The following ITPRID1 variants were observed in gnomAD, a reference collection of about 807,000 sequenced individuals.
ITPRID1 encodes the protein protein ITPRID1.
In ITPRID1, 96 loss-of-function variants were observed where a neutral mutation model predicts 95.4. That is an observed-to-expected ratio of 1.01 (90% CI 0.85 to 1.19). ITPRID1 has a LOEUF of 1.19. Ranked by LOEUF, ITPRID1 falls within the 50% of genes most tolerant of loss-of-function variation. The probability of loss-of-function intolerance (pLI) is 0.00; values close to 1 mark genes in which losing one functional copy is unlikely to be tolerated. For missense variants in ITPRID1, 1,339 were observed against 1,252.9 expected, an observed-to-expected ratio of 1.07 and a Z score of -1.04; for synonymous variants, 510 against 453.6, an observed-to-expected ratio of 1.12 and a Z score of -1.58.
chr7:31,574,153 T>C (rs1785091087), intron 7 of ITPRID1, among the ~76,000 whole-genome samples: 2 of 143,946 alleles, frequency 1.4e-5, no homozygotes, highest in South Asian at 4.7e-4. Context: ...AGTCTACTGT[T>C]TACAGTTTTG....
chr7:31,567,498 T>G (rs1254153574), intron 5 of ITPRID1, among the ~76,000 whole-genome samples: 1 of 152,086 alleles, frequency 6.6e-6, no homozygotes, highest in Non-Finnish European at 1.5e-5. Context: ...GGAGTAGCAT[T>G]GGGAGTGATA....
chr7:31,651,140 A>G lies in ITPRID1; in HGVS notation c.2584-2A>G, dbSNP rs1043142855. ...TTCTCAGTTCTTTCTCATTGTTCTC[A>G]GTGCACAGTCCATGAGATGGAAGCC... On this transcript the variant is annotated splice_acceptor_variant, in intron 12 of 14. Coordinates refer to ENST00000615280, the MANE Select transcript of ITPRID1 (RefSeq NM_001257967.3). LOFTEE classifies it high-confidence loss of function. The G allele has an allele frequency of 8.1e-6, 13 of 1,611,888 alleles. No homozygotes were observed. The highest frequency in any genetic ancestry group is 1.1e-5 in the Non-Finnish European group (13 of 1,178,824).
chr7:31,548,398 A>G (rs771057802), intron 1 of ITPRID1, among the ~76,000 whole-genome samples: 16 of 152,186 alleles, frequency 1.1e-4, no homozygotes, highest in Non-Finnish European at 2.1e-4. Flanking sequence ...AAGCAGCAAC[A>G]AAGATCATAG....
At chr7:31,561,360 C>G (rs1784617490) in intron 5 of ITPRID1, among the ~76,000 whole-genome samples, 1 of 152,122 alleles carries the variant, frequency 6.6e-6, no homozygotes, top group Non-Finnish European at 1.5e-5. Flanking sequence ...GCATATGGTG[C>G]CTTCCCCCAG....
At chr7:31,599,215 A>T (rs1027120264) in intron 10 of ITPRID1, among the ~76,000 whole-genome samples, 1 of 152,260 alleles carries the variant, frequency 6.6e-6, no homozygotes, top group Non-Finnish European at 1.5e-5. Flanking sequence ...ACTCATAAAT[A>T]GAATAATATA....
chr7:31,593,960 G>A (rs944134557), intron 10 of ITPRID1, among the ~76,000 whole-genome samples: 2 of 152,274 alleles, frequency 1.3e-5, no homozygotes, highest in African/African-American at 4.8e-5. Context: ...ATGCAAAAGA[G>A]TCTTATCTAT....
chr7:31,612,428 G>T (rs551946211), intron 10 of ITPRID1, among the ~76,000 whole-genome samples: 1 of 152,134 alleles, frequency 6.6e-6, no homozygotes, highest in African/African-American at 2.4e-5. Flanking sequence ...GTGATGGTTT[G>T]TTGTAAACTG....
At chr7:31,601,901 C>T (rs769739133) in intron 10 of ITPRID1, among the ~76,000 whole-genome samples, 1 of 152,192 alleles carries the variant, frequency 6.6e-6, no homozygotes, top group Non-Finnish European at 1.5e-5. Context: ...GGCTTAGTCA[C>T]CTGGCCTCAA....
chr7:31,534,676 A>C (rs1783704358), intron 1 of ITPRID1, among the ~76,000 whole-genome samples: 1 of 152,054 alleles, frequency 6.6e-6, no homozygotes, highest in African/African-American at 2.4e-5. Flanking sequence ...GCTATAAGCA[A>C]CATATAATTT....
chr7:31,542,393 C>T (rs573441393), intron 1 of ITPRID1, among the ~76,000 whole-genome samples: 5 of 152,210 alleles, frequency 3.3e-5, no homozygotes, highest in African/African-American at 1.2e-4. Context: ...CATTTTTTTA[C>T]GACTTACACA....
At chr7:31,636,316 T>C (rs1789477446) in intron 10 of ITPRID1, among the ~76,000 whole-genome samples, 1 of 152,188 alleles carries the variant, frequency 6.6e-6, no homozygotes, top group African/African-American at 2.4e-5. Flanking sequence ...AACATATCAC[T>C]CTGTGCTAGT....
intron 10 of ITPRID1, among the ~76,000 whole-genome samples, chr7:31,586,378 T>C (rs2128151420): frequency 6.6e-6 from 1 of 151,648 alleles, no homozygotes; most frequent in Non-Finnish European, 1.5e-5. Context: ...CTGGGTCAAA[T>C]GGTATTTGTA....
At chr7:31,581,536 A>G (rs1488815277) in intron 9 of ITPRID1, among the ~76,000 whole-genome samples, 1 of 152,152 alleles carries the variant, frequency 6.6e-6, no homozygotes, top group Admixed American at 6.5e-5. Context: ...TATTCTCTAG[A>G]AGTCACATGT....
chr7:31,644,616 C>G (rs2128212223), intron 12 of ITPRID1, among the ~76,000 whole-genome samples: 1 of 152,288 alleles, frequency 6.6e-6, no homozygotes, highest in Non-Finnish European at 1.5e-5. Context: ...AAGGTGGACC[C>G]TATAGTTACT....
intron 10 of ITPRID1, among the ~76,000 whole-genome samples, chr7:31,612,870 A>G (rs557338204): frequency 1.3e-5 from 2 of 152,258 alleles, no homozygotes; most frequent in African/African-American, 4.8e-5. Flanking sequence ...AATATGTCAG[A>G]GTTTTTCAAA....
chr7:31,549,891 A>G (rs991983196), intron 2 of ITPRID1, among the ~76,000 whole-genome samples: 89 of 152,338 alleles, frequency 5.8e-4, no homozygotes, highest in African/African-American at 2.1e-3. Context: ...AGATACAAAA[A>G]GTGAAATAAC....
At position 31,643,363 on chromosome 7, in the gene ITPRID1, C is replaced by T. The variant is rs756251192; in HGVS notation, c.1993C>T (p.Pro665Ser). The change falls in exon 12 of 15, where the codon CCC becomes TCC. Residue 665 changes from proline (P) to serine (S), a missense_variant. Pro to Ser is a moderately conservative substitution (Grantham distance 74). Coordinates refer to ENST00000615280, the MANE Select transcript of ITPRID1 (RefSeq NM_001257967.3). ...TGCTCAAACATCTGAAAAGCTCATT[C>T]CCCACCTCCATAAACTGCCTGGAGA... ...DLAQTSEKLI[P>S]HLHKLPGDPA... 4.3e-6 allele frequency: 7 copies of T among 1,613,990 alleles called. No homozygotes were observed. In the South Asian group the frequency reaches 5.5e-5, roughly 13 times the overall value.
At chr7:31,587,669 C>G (rs1020148618) in intron 10 of ITPRID1, among the ~76,000 whole-genome samples, 1 of 151,460 alleles carries the variant, frequency 6.6e-6, no homozygotes, top group Non-Finnish European at 1.5e-5. Context: ...CAAAAAAGAG[C>G]CCGCGTCACC....
chr7:31,642,330 C>T, intron 11 of ITPRID1, 72 bp downstream of exon 11: 1 of 1,017,610 alleles, frequency 9.8e-7, no homozygotes, highest in Middle Eastern at 2.1e-4. Context: ...ACCAGGCTGC[C>T]ACCCAAACCT....
Sources: gnomAD v4.1 joint callset for allele counts (sites outside exome capture counted in the v4.1 genomes callset) on GRCh38, gnomAD v4.1.1 for gene constraint, MANE v1.5 for transcripts, NCBI Gene and HGNC (gene_info 2026-07-23, HGNC 2026-07-21) for gene names.